ZYG11B: variants seen among roughly 807,000 people sequenced by gnomAD.
The protein encoded by ZYG11B is protein zyg-11 homolog B.
Under a neutral mutation model 82.4 loss-of-function variants are expected in ZYG11B, and 36 were observed. That is an observed-to-expected ratio of 0.44 (90% confidence interval 0.33 to 0.58). ZYG11B has a LOEUF of 0.58. Among genes scored for constraint, ZYG11B ranks in the 20% least tolerant of loss-of-function variants. The pLI, the probability that ZYG11B is intolerant of heterozygous loss-of-function variation, is 0.02. For synonymous variants in ZYG11B, 303 were observed against 312.8 expected (o/e 0.97, Z 0.33); for missense variants, 552 against 895.6 (o/e 0.62, Z 4.90).
chr1:52,760,612 A>T (rs1353032342), intron 2 of ZYG11B, among the ~76,000 whole-genome samples: 3 of 151,912 alleles, frequency 2.0e-5, no homozygotes. Flanking sequence ...TGTGTTAAAA[A>T]ATTTTCTTTT....
intron 3 of ZYG11B, among the ~76,000 whole-genome samples, chr1:52,775,390 A>G (rs755215448): frequency 4.6e-5 from 7 of 151,068 alleles, no homozygotes; most frequent in Non-Finnish European, 7.4e-5. Context: ...TCAGGAGTTC[A>G]AGACTAGCCT....
At chr1:52,768,987 C>T (rs1170142531) in intron 2 of ZYG11B, among the ~76,000 whole-genome samples, 1 of 152,152 alleles carries the variant, frequency 6.6e-6, no homozygotes, top group Non-Finnish European at 1.5e-5. Flanking sequence ...TCCAGATCTT[C>T]ATTCATGATG....
intron 6 of ZYG11B, 79 bp downstream of exon 6, chr1:52,790,146 G>A: frequency 1.0e-6 from 1 of 957,946 alleles, no homozygotes; most frequent in Non-Finnish European, 1.5e-6. Context: ...TTACCATTTA[G>A]GATATCCCTT....
At chr1:52,732,085 G>A (rs1196712733) in intron 1 of ZYG11B, among the ~76,000 whole-genome samples, 1 of 152,214 alleles carries the variant, frequency 6.6e-6, no homozygotes, top group Non-Finnish European at 1.5e-5. Context: ...TTACAGGCCT[G>A]AGCCATCGTG....
intron 3 of ZYG11B, among the ~76,000 whole-genome samples, chr1:52,776,483 A>G (rs10888756): frequency 0.59 from 86,438 of 146,708 alleles, 28,137 homozygotes; most frequent in East Asian, 0.97. Flanking sequence ...GCAGTGAGCC[A>G]AGATTGTGCC....
In ZYG11B at chr1:52,771,493, A is replaced by T; in HGVS notation, c.670A>T (p.Met224Leu). The T allele has an allele frequency of 6.2e-7, 1 of 1,613,664 alleles. No individual in the cohort carries two copies. Among genetic ancestry groups the T allele is most frequent in the Non-Finnish European group, 8.5e-7 (1 of 1,179,828 alleles). ...CATGCACCACTTGAAATGTTTAAAA[A>T]TGACAACTACCCAGATACTGGATGT... Reference protein sequence around the residue: ...LTMHHLKCLKMTTTQILDVVR... With the variant: ...LTMHHLKCLKLTTTQILDVVR... The change falls in exon 3 of 14, where the codon ATG (methionine) becomes TTG (leucine). Residue 224 changes from methionine to leucine, a missense_variant. Physicochemically the swap from Met to Leu is conservative, Grantham distance 15. This residue lies in a region of ZYG11B where 359 missense variants were observed against 555.8 expected (regional missense o/e 0.65). Transcript: ENST00000294353. The surrounding 1 kb of genome is among the most constrained non-coding windows in gnomAD (Gnocchi z 5.4).
At position 52,826,426 on chromosome 1, in the gene ZYG11B, G is replaced by T. The variant is rs1022185825; in HGVS notation, c.*4797G>T. ...TAGGAATAATGCAAAACCAACCTTC[G>T]TCCGGTGATGAGAATAGCCGTATGA... is the stretch of plus-strand genomic sequence containing the variant. On this transcript the variant is annotated 3_prime_UTR_variant, in exon 14 of 14. Transcript: ENST00000294353. The T allele has an allele frequency of 1.3e-5, 2 of 152,122 alleles. No individual in the cohort carries two copies. The allele number at this position is 152,122 out of a possible 1,614,324, so 9.4% of individuals were successfully genotyped here.
rs202180197 is a variant in ZYG11B at position 52,805,670 on chromosome 1, GA to G, written c.1695+3535del. ...AACATGGTGAAACCCCGTTTCCACT[GA>G]AAATACAAAAATTAGCCAGCCGTGG... On this transcript the variant is annotated intron_variant, in intron 10 of 13. Transcript: ENST00000294353. The G allele has an allele frequency of 4.1e-3, 1,255 of 306,718 alleles. 15 individuals carry two copies. The highest frequency in any genetic ancestry group is 0.026 in the African/African-American group (1,193 of 45,920). The allele number at this position is 306,718 out of a possible 1,614,324, so 19.0% of individuals were successfully genotyped here.
intron 1 of ZYG11B, among the ~76,000 whole-genome samples, chr1:52,731,986 A>G (rs1644336909): frequency 2.0e-5 from 3 of 152,172 alleles, no homozygotes; most frequent in Admixed American, 2.0e-4. Flanking sequence ...GTATTTCTGT[A>G]GAGATGGGGT....
At chr1:52,773,959 T>C (rs930289101) in intron 3 of ZYG11B, among the ~76,000 whole-genome samples, 4 of 151,312 alleles carry the variant, frequency 2.6e-5, no homozygotes, top group Admixed American at 1.3e-4. Flanking sequence ...CTCTGAGAAA[T>C]TGATGGATGA....
At chr1:52,814,011 T>C in intron 12 of ZYG11B, 99 bp downstream of exon 12, 2 of 1,053,976 alleles carry the variant, frequency 1.9e-6, no homozygotes, top group Admixed American at 2.2e-5. Context: ...CTCAGGCACC[T>C]CAATATTGGT....
At chr1:52,796,197 A>G (rs1645005036) in intron 6 of ZYG11B, 95 bp from the exon 7 acceptor site, 1 of 846,700 alleles carries the variant, frequency 1.2e-6, no homozygotes, top group South Asian at 1.6e-5. Flanking sequence ...TTGCCTTTTC[A>G]TATATTTAAG....
Position 52,776,229 on chromosome 1 carries a change from A to AAAAAAAAAAAAAATAT in ZYG11B, c.952-3623_952-3622insAAAAAAAAAAAATATA. Among the ~76,000 whole-genome samples, 73 of 23,550 alleles carry AAAAAAAAAAAAAATAT rather than the reference A, an allele frequency of 3.1e-3. 4 individuals carry two copies. The highest frequency in any genetic ancestry group is 7.4e-3 in the Non-Finnish European group (64 of 8,672). 15.4% of individuals were successfully genotyped at this position (23,550 alleles called of 152,430 possible). A position where few individuals can be genotyped will look rare whatever the true frequency, so the allele number is the denominator to read the frequency against. Reference sequence around the variant, plus strand: ...AGCAAAACTCTGTCTTAAAAAAAAAAATATATATATATATATGCAATAAAG... The same window carrying AAAAAAAAAAAAAATAT: ...AGCAAAACTCTGTCTTAAAAAAAAAAAAAAAAAAAAAAATATATATATATATATATATGCAATAAAG... On this transcript the variant is annotated intron_variant, in intron 3 of 13. Transcript: ENST00000294353.
rs149164644 is a variant in ZYG11B at position 52,801,873 on chromosome 1, T to C, written c.1540T>C (p.Leu514=). 6.6e-5 allele frequency: 106 copies of C among 1,612,062 alleles called. No individual in the cohort carries two copies. In the Middle Eastern group the frequency reaches 1.3e-3, roughly 20 times the overall value. The part of the protein sequence containing the change: ...KTNQNSVDTT[L]KFTLSALWNL... ...CAATCAAAATTCAGTGGACACTACA[T>C]TGAAATTTACTTTGAGTGCACTTTG... is the stretch of plus-strand genomic sequence containing the variant. Residue 514 remains leucine, a synonymous_variant, in exon 9 of 14, where the codon TTG becomes CTG. Coordinates refer to ENST00000294353, the MANE Select transcript of ZYG11B (RefSeq NM_024646.3).
intron 12 of ZYG11B, 96 bp downstream of exon 12, chr1:52,814,008 A>G: frequency 8.9e-7 from 1 of 1,119,414 alleles, no homozygotes; most frequent in Non-Finnish European, 1.3e-6. Flanking sequence ...TCCCTCAGGC[A>G]CCTCAATATT....
In ZYG11B at chr1:52,820,345, G is replaced by A. The variant is rs574688260; in HGVS notation, c.2045-1094G>A. On this transcript the variant is annotated intron_variant, in intron 13 of 13. Transcript: ENST00000294353. ...ATTTAAATGGAATTCACTTCTATTTGTATTAAAATGTTTTAATGTGGCTGG... is the reference window on the plus strand; with the variant it reads ...ATTTAAATGGAATTCACTTCTATTTATATTAAAATGTTTTAATGTGGCTGG... Among the ~76,000 whole-genome samples, 4 of 151,326 alleles carry A rather than the reference G, an allele frequency of 2.6e-5. No individual in the cohort carries two copies. The South Asian group carries it at 8.5e-4, about 32-fold the overall frequency.
chr1:52,810,083 A>G (rs1321134356), intron 10 of ZYG11B, among the ~76,000 whole-genome samples: 1 of 152,160 alleles, frequency 6.6e-6, no homozygotes, highest in Non-Finnish European at 1.5e-5. Context: ...ACTTTTAAAC[A>G]TTTTGATCAC....
chr1:52,730,213 T>C (rs1438397270), intron 1 of ZYG11B, among the ~76,000 whole-genome samples: 1 of 152,210 alleles, frequency 6.6e-6, no homozygotes, highest in African/African-American at 2.4e-5. Context: ...AATCTAATAA[T>C]GTTTTTGGAG....
chr1:52,772,253 G>A (rs760044234), intron 3 of ZYG11B: 49 of 1,319,370 alleles, frequency 3.7e-5, no homozygotes, highest in South Asian at 9.4e-5. Flanking sequence ...GGGAGGACTC[G>A]CTTGGTCTTA....
Sources: gnomAD v4.1 joint callset for allele counts (sites outside exome capture counted in the v4.1 genomes callset) on GRCh38, gnomAD v4.1.1 for gene constraint, gnomAD v4.1.1 regional missense constraint, Gnocchi (gnomAD v3.1) non-coding constraint, MANE v1.5 for transcripts, NCBI Gene and HGNC (gene_info 2026-07-23, HGNC 2026-07-21) for gene names.